Variants in ADAMTS9 observed in about 807,000 individuals in gnomAD.
ADAMTS9 encodes A disintegrin and metalloproteinase with thrombospondin motifs 9.
Under a neutral mutation model 257.1 loss-of-function variants are expected in ADAMTS9, and 107 were observed. The observed-to-expected ratio is 0.42, with a 90% CI of 0.36 to 0.49. The LOEUF (loss-of-function observed/expected upper bound fraction) is 0.49. ADAMTS9 is among the 20% of genes least tolerant of loss of function. The probability of loss-of-function intolerance (pLI) is 0.03; values close to 1 mark genes in which losing one functional copy is unlikely to be tolerated. For synonymous variants in ADAMTS9, 982 were observed against 880.9 expected, an observed-to-expected ratio of 1.11 and a Z score of -2.03; for missense variants, 2,353 against 2,469.1, an observed-to-expected ratio of 0.95 and a Z score of 1.00.
chr3:64,577,818 T>C (rs1467730216), intron 28 of ADAMTS9, among the ~76,000 whole-genome samples: 1 of 152,180 alleles, frequency 6.6e-6, no homozygotes, highest in East Asian at 1.9e-4. Flanking sequence ...TATCTGCCCC[T>C]TGGATCTTGT....
chr3:64,644,164 C>G (rs572679413), intron 11 of ADAMTS9, among the ~76,000 whole-genome samples: 1 of 152,212 alleles, frequency 6.6e-6, no homozygotes, highest in South Asian at 2.1e-4. Flanking sequence ...GTACACTGCA[C>G]TTAATATTTG....
intron 16 of ADAMTS9, among the ~76,000 whole-genome samples, chr3:64,627,946 A>C (rs2106880730): frequency 6.6e-6 from 1 of 152,300 alleles, no homozygotes; most frequent in Admixed American, 6.5e-5. Context: ...GCCAAGAGTA[A>C]ATATTTACAT....
chr3:64,589,981 C>A (rs1299452892), intron 28 of ADAMTS9: 1 of 152,124 alleles, frequency 6.6e-6, no homozygotes, highest in Non-Finnish European at 1.5e-5. Flanking sequence ...TTTTCCTGTA[C>A]CTAGCTGTCT....
chr3:64,682,520 T>C (rs1701783976), intron 2 of ADAMTS9, among the ~76,000 whole-genome samples: 1 of 152,104 alleles, frequency 6.6e-6, no homozygotes, highest in Admixed American at 6.6e-5. Flanking sequence ...CACTGAAAAA[T>C]TCCCCATGCC....
At chr3:64,590,331 A>G (rs949471666) in intron 28 of ADAMTS9, among the ~76,000 whole-genome samples, 9 of 152,210 alleles carry the variant, frequency 5.9e-5, no homozygotes, top group African/African-American at 1.2e-4. Context: ...CAAAATTAAA[A>G]TGTATCTTTT....
At chr3:64,633,659 G>A (rs201678363) in intron 13 of ADAMTS9, 39 bp downstream of exon 13, 106 of 1,613,746 alleles carry the variant, frequency 6.6e-5, no homozygotes, top group African/African-American at 3.9e-4. Context: ...CCTCAGTGCC[G>A]GCCGGCCAAC....
chr3:64,561,841 C>T, intron 29 of ADAMTS9, 90 bp from the exon 30 acceptor site: 3 of 1,128,250 alleles, frequency 2.7e-6, no homozygotes, highest in Admixed American at 4.5e-5. Flanking sequence ...GAGGGGAATG[C>T]ACTCCTAATC....
At chr3:64,678,746 G>T (rs1054860008) in intron 3 of ADAMTS9, among the ~76,000 whole-genome samples, 24 of 152,174 alleles carry the variant, frequency 1.6e-4, no homozygotes, top group Non-Finnish European at 3.1e-4. Flanking sequence ...AGGTGTCCTT[G>T]ACCTGTTGGT....
intron 28 of ADAMTS9, chr3:64,582,814 T>C (rs2084040027): frequency 6.6e-6 from 1 of 152,194 alleles, no homozygotes; most frequent in South Asian, 2.1e-4. Flanking sequence ...CTTTATGTAC[T>C]GCTGTCTTAG....
Position 64,541,291 on chromosome 3 carries a change from C to T in ADAMTS9, c.5387+29G>A, listed in dbSNP as rs751534336. 5.6e-6 allele frequency: 9 copies of T among 1,613,486 alleles called. No individual in the cohort carries two copies. In the African/African-American group the frequency reaches 1.1e-4, roughly 19 times the overall value. ...AGCATTTCCAGGGATCTCCAGGCCT[C>T]TGAGATCTTCTGAGCCTGGCTCTCC... On this transcript the variant is annotated intron_variant, in intron 35 of 39. Coordinates refer to ENST00000498707, the MANE Select transcript of ADAMTS9 (RefSeq NM_182920.2).
At chr3:64,601,759 G>T (rs1032291993) in intron 26 of ADAMTS9, among the ~76,000 whole-genome samples, 185 bp downstream of exon 26, 1 of 152,172 alleles carries the variant, frequency 6.6e-6, no homozygotes, top group East Asian at 1.9e-4. Context: ...ATAGGTGGAC[G>T]CAGGCAGTAT....
chr3:64,520,733 T>C (rs2082839899), intron 39 of ADAMTS9, among the ~76,000 whole-genome samples: 1 of 152,174 alleles, frequency 6.6e-6, no homozygotes, highest in South Asian at 2.1e-4. Flanking sequence ...CTGGAAAAAC[T>C]GGCTAACCAT....
chr3:64,596,268 C>G (rs1394850317), intron 27 of ADAMTS9, among the ~76,000 whole-genome samples: 1 of 152,192 alleles, frequency 6.6e-6, no homozygotes, highest in Non-Finnish European at 1.5e-5. Flanking sequence ...GCTTCCAATA[C>G]TCAGTTGTCC....
chr3:64,602,984 C>T (rs752826961), intron 25 of ADAMTS9, among the ~76,000 whole-genome samples: 10 of 152,230 alleles, frequency 6.6e-5, no homozygotes, highest in Non-Finnish European at 7.4e-5. Flanking sequence ...GATGAACTGA[C>T]GGATGGACAG....
chr3:64,649,258 C>T (rs1700871634), intron 10 of ADAMTS9, among the ~76,000 whole-genome samples: 1 of 152,046 alleles, frequency 6.6e-6, no homozygotes, highest in Non-Finnish European at 1.5e-5. Flanking sequence ...TAGAAGAGTC[C>T]CTATAATTTA....
chr3:64,647,865 C>G (rs757627039), intron 11 of ADAMTS9, 75 bp downstream of exon 11: 2 of 1,244,924 alleles, frequency 1.6e-6, no homozygotes, highest in Non-Finnish European at 2.3e-6. Context: ...TTCTAAACAT[C>G]GGTGTCTGAT....
At chr3:64,566,860 C>T (rs1418499764) in intron 29 of ADAMTS9, among the ~76,000 whole-genome samples, 1 of 146,146 alleles carries the variant, frequency 6.8e-6, no homozygotes, top group Non-Finnish European at 1.5e-5. Flanking sequence ...TCGAATAGCT[C>T]CAAAAAAAAA....
rs182103233 is a variant in ADAMTS9, at chr3:64,680,893, G to A, written c.679+308C>T. On this transcript the variant is annotated intron_variant, in intron 3 of 39. Coordinates refer to ENST00000498707, the MANE Select transcript of ADAMTS9 (RefSeq NM_182920.2). ...TATCATGACCTGAATATTACTCAAG[G>A]TTAAGCCTAAAAATCAGCAACTTCA... is the stretch of plus-strand genomic sequence containing the variant. 2.6e-5 allele frequency among the ~76,000 whole-genome samples: 4 copies of A among 152,202 alleles called. No homozygotes were observed. In the East Asian group the frequency reaches 7.7e-4, roughly 29 times the overall value.
chr3:64,584,277 A>C (rs556104547), intron 28 of ADAMTS9, among the ~76,000 whole-genome samples: 1 of 152,128 alleles, frequency 6.6e-6, no homozygotes, highest in South Asian at 2.1e-4. Context: ...GAAGAGATGC[A>C]ATAAAAGTCT....
Sources: gnomAD v4.1 joint callset for allele counts (sites outside exome capture counted in the v4.1 genomes callset) on GRCh38, gnomAD v4.1.1 for gene constraint, MANE v1.5 for transcripts, NCBI Gene and HGNC (gene_info 2026-07-23, HGNC 2026-07-21) for gene names.